DST: variants seen among roughly 807,000 people sequenced by gnomAD.
DST encodes bullous pemphigoid antigen.
A neutral mutation model predicts 875.2 loss-of-function variants in DST; 253 were observed. The ratio of observed to expected loss-of-function variants is 0.29; its 90% CI spans 0.26 to 0.32. The LOEUF (loss-of-function observed/expected upper bound fraction) is 0.32, where lower values mean the gene tolerates loss of function less well. Ranked by LOEUF, DST falls within the 10% of genes least tolerant of loss-of-function variation. DST has a pLI of 1.00. For missense variants in DST, 8,287 were observed against 9,111.6 expected (o/e 0.91, Z 3.68); for synonymous variants, 3,124 against 3,197.1 (o/e 0.98, Z 0.77).
At chr6:56,596,411 C>T (rs1158875677) in intron 47 of DST, among the ~76,000 whole-genome samples, 9 of 152,142 alleles carry the variant, frequency 5.9e-5, no homozygotes. Flanking sequence ...TGCCTAAAAC[C>T]AAGGGCTTTC....
chr6:56,804,614 T>C (rs2099751032), intron 4 of DST, among the ~76,000 whole-genome samples: 1 of 152,092 alleles, frequency 6.6e-6, no homozygotes, highest in African/African-American at 2.4e-5. Flanking sequence ...GAGACAATGC[T>C]CTAACGACCA....
Position 56,578,903 on chromosome 6 carries a change from G to A in DST, c.12938C>T (p.Ala4313Val), listed in dbSNP as rs2097915440. 1 of 1,603,484 alleles carries A rather than the reference G, an allele frequency of 6.2e-7. No homozygotes were observed. The highest frequency in any genetic ancestry group is 1.7e-5 in the Admixed American group (1 of 58,464). Residue 4313 changes from alanine (A) to valine (V), a missense_variant, in exon 50 of 104, where the codon GCT becomes GTT. By Grantham distance (64) the Ala-to-Val change is moderately conservative. Transcript: ENST00000680361. ...AGCCGTTTTCTTCAGTTTCTCTACA[G>A]CAACCTGCTGACTTGATATCTGTCC... The part of the protein sequence containing the change: ...LQGQISSQQV[A>V]VEKLKKTAEV...
At position 56,670,622 on chromosome 6, in the gene DST, A is replaced by C; in HGVS notation, c.1214+19T>G. ...TGTGTCTTACAGTTGTATAAGGAAA[A>C]AATACACAAATTCCATACCTGTATT... On this transcript the variant is annotated intron_variant, in intron 10 of 103. Coordinates refer to ENST00000680361, the MANE Select transcript of DST (RefSeq NM_001374736.1). 1 of 1,483,674 alleles carries C rather than the reference A, an allele frequency of 6.7e-7. No homozygotes were observed. Among genetic ancestry groups the C allele is most frequent in the African/African-American group, 1.4e-5 (1 of 70,412 alleles). The allele number at this position is 1,483,674 out of a possible 1,614,324, so 91.9% of individuals were successfully genotyped here.
intron 2 of DST, among the ~76,000 whole-genome samples, chr6:56,932,181 C>T (rs781604356): frequency 3.9e-5 from 6 of 152,052 alleles, no homozygotes; most frequent in Non-Finnish European, 8.8e-5. Context: ...AGACTGTTCT[C>T]GTGGTAGTAA....
At position 56,492,190 on chromosome 6, in the gene DST, T is replaced by C. The variant is rs201304222; in HGVS notation, c.20757+37A>G. The stretch of plus-strand genomic sequence containing the variant: ...TATTTCAACAGCAAGAAGTGGTTTA[T>C]TGACAAGTTCAGAGAATTTTTCTAA... On this transcript the variant is annotated intron_variant, in intron 85 of 103. Coordinates refer to ENST00000680361, the MANE Select transcript of DST (RefSeq NM_001374736.1). The C allele has an allele frequency of 1.9e-4, 304 of 1,564,394 alleles. 2 individuals carry two copies. In the African/African-American group the frequency reaches 3.3e-3, roughly 17 times the overall value.
In DST at chr6:56,767,806, G is replaced by A. The variant is rs548728390; in HGVS notation, c.626-32517C>T. Among the ~76,000 whole-genome samples, 3 of 152,092 alleles carry A rather than the reference G, an allele frequency of 2.0e-5. No individual in the cohort carries two copies. The South Asian group carries it at 6.2e-4, about 32-fold the overall frequency. ...GATCAGAGAGTCCCCATTGAGAAGGGGGGCATCTGAATAAGACTTAAAAGA... is the reference window on the plus strand; with the variant it reads ...GATCAGAGAGTCCCCATTGAGAAGGAGGGCATCTGAATAAGACTTAAAAGA... On this transcript the variant is annotated intron_variant, in intron 4 of 103. Coordinates refer to ENST00000680361, the MANE Select transcript of DST (RefSeq NM_001374736.1).
At position 56,717,595 on chromosome 6, in the gene DST, G is replaced by A. The variant is rs2099399870; in HGVS notation, c.688-13226C>T. Among the ~76,000 whole-genome samples the A allele has an allele frequency of 2.0e-5, 3 of 152,150 alleles. No individual in the cohort carries two copies. The South Asian group carries it at 6.2e-4, about 32-fold the overall frequency. On this transcript the variant is annotated intron_variant, in intron 5 of 103. Transcript: ENST00000680361. ...GCTTCCCCAATTACTCCTGCAGATA[G>A]CATCACTATTGCAGAAGCTAATATG...
chr6:56,492,500 G>C (rs890293930), intron 84 of DST, 67 bp from the exon 85 acceptor site: 2 of 1,450,076 alleles, frequency 1.4e-6, no homozygotes, highest in African/African-American at 2.8e-5. Flanking sequence ...AAATGCTTCT[G>C]GTGTCATAAA....
Position 56,563,276 on chromosome 6 carries a change from A to C in DST, c.14006-1076T>G, listed in dbSNP as rs1243444194. Among the ~76,000 whole-genome samples, 3 of 152,212 alleles carry C rather than the reference A, an allele frequency of 2.0e-5. No homozygotes were observed. The East Asian group carries it at 5.8e-4, about 29-fold the overall frequency. On this transcript the variant is annotated intron_variant, in intron 55 of 103. Coordinates refer to ENST00000680361, the MANE Select transcript of DST (RefSeq NM_001374736.1). Reference sequence around the variant, plus strand: ...GTTTCCTGACTTTTTAATGATTGCCATTCTAACTAGTGTGAGATGGTACCT... The same window carrying C: ...GTTTCCTGACTTTTTAATGATTGCCCTTCTAACTAGTGTGAGATGGTACCT...
At chr6:56,778,353 CTTTTT>C (rs756542657) in intron 4 of DST, among the ~76,000 whole-genome samples, 1 of 109,998 alleles carries the variant, frequency 9.1e-6, no homozygotes, top group East Asian at 2.6e-4. Flanking sequence ...ATTCTTTTCT[CTTTTT>C]TTTTTTTTTT....
chr6:56,744,161 A>AG (rs1273412604), intron 4 of DST, among the ~76,000 whole-genome samples: 2 of 151,952 alleles, frequency 1.3e-5, no homozygotes, highest in Non-Finnish European at 2.9e-5. Context: ...AAAAAAAAAA[A>AG]AAAAAAGTAA....
chr6:56,928,177 TA>T (rs1350403162), intron 2 of DST, among the ~76,000 whole-genome samples: 1 of 150,904 alleles, frequency 6.6e-6, no homozygotes, highest in African/African-American at 2.4e-5. Flanking sequence ...AATAAATACA[TA>T]AAGCTGAGGT....
intron 36 of DST, chr6:56,618,228 C>T (rs754859946): frequency 1.2e-5 from 19 of 1,614,186 alleles, no homozygotes; most frequent in Non-Finnish European, 1.6e-5. Context: ...AATTGGACTT[C>T]TTTGGGTATC....
chr6:56,847,435 A>G (rs1488149485), intron 4 of DST, among the ~76,000 whole-genome samples: 1 of 152,226 alleles, frequency 6.6e-6, no homozygotes, highest in Non-Finnish European at 1.5e-5. Flanking sequence ...TTGCTTAAAA[A>G]TCTTTCAATG....
intron 2 of DST, among the ~76,000 whole-genome samples, chr6:56,910,198 G>A (rs75173876): frequency 0.017 from 2,572 of 152,244 alleles, 77 homozygotes; most frequent in African/African-American, 0.058. Flanking sequence ...ATGAGGTCTC[G>A]CTCAGTTGCC....
intron 4 of DST, among the ~76,000 whole-genome samples, chr6:56,826,428 T>C (rs1360027257): frequency 6.6e-6 from 1 of 152,186 alleles, no homozygotes; most frequent in African/African-American, 2.4e-5. Context: ...TGGTGGTATT[T>C]ATATTTATTA....
chr6:56,557,288 C>T, intron 59 of DST, 31 bp downstream of exon 59: 1 of 1,589,482 alleles, frequency 6.3e-7, no homozygotes, highest in Non-Finnish European at 8.5e-7. Flanking sequence ...AATTGCTATG[C>T]ACGAGAGACA....
Position 56,625,141 on chromosome 6 carries a change from C to CAA in DST, c.4830+15_4830+16insTT. ...CTTTTATGCCCCTTCCCCTCTTTCT[C>CAA]TCATACTTTTATTACCTCTTGAATA... On this transcript the variant is annotated intron_variant, in intron 35 of 103. Transcript: ENST00000680361. 6.4e-7 allele frequency: 1 copy of CAA among 1,565,532 alleles called. No individual in the cohort carries two copies. The highest frequency in any genetic ancestry group is 8.8e-7 in the Non-Finnish European group (1 of 1,135,898).
At chr6:56,739,122 G>T (rs2099537170) in intron 4 of DST, among the ~76,000 whole-genome samples, 1 of 147,284 alleles carries the variant, frequency 6.8e-6, no homozygotes, top group South Asian at 2.3e-4. Context: ...ATGCCACAAA[G>T]CCTCTATGCT....
Sources: allele counts gnomAD v4.1 joint callset (sites outside exome capture counted in the v4.1 genomes callset), GRCh38; gene constraint gnomAD v4.1.1; transcripts MANE v1.5; gene names NCBI Gene and HGNC (gene_info 2026-07-23, HGNC 2026-07-21).